NRG3: variants seen among roughly 807,000 people sequenced by gnomAD.
NRG3 encodes the protein pro-neuregulin-3, membrane-bound isoform.
NRG3 carries 31 observed loss-of-function variants against 66.9 expected under a neutral mutation model. That is an observed-to-expected ratio of 0.46 (90% CI 0.35 to 0.63). The LOEUF (loss-of-function observed/expected upper bound fraction) is 0.63. Ranked by LOEUF, NRG3 falls within the 20% of genes least tolerant of loss-of-function variation. The pLI, the probability that NRG3 is intolerant of heterozygous loss-of-function variation, is 0.00. For missense variants in NRG3, 910 were observed against 878.9 expected, an observed-to-expected ratio of 1.04 and a Z score of -0.45; for synonymous variants, 393 against 359.4, an observed-to-expected ratio of 1.09 and a Z score of -1.06.
chr10:82,713,495 G>C (rs1163689501), intron 2 of NRG3, among the ~76,000 whole-genome samples: 1 of 152,094 alleles, frequency 6.6e-6, no homozygotes, highest in Non-Finnish European at 1.5e-5. Context: ...GGATGCTTTT[G>C]GCCTGAGCAA....
At chr10:82,149,264 G>A (rs11192702) in intron 1 of NRG3, among the ~76,000 whole-genome samples, 17,932 of 152,000 alleles carry the variant, frequency 0.12, 1,772 homozygotes, top group African/African-American at 0.26. Flanking sequence ...CATGAATCCA[G>A]TTATAAAAAT....
chr10:81,904,947 A>G (rs1844442800), intron 1 of NRG3, among the ~76,000 whole-genome samples: 1 of 152,188 alleles, frequency 6.6e-6, no homozygotes, highest in Non-Finnish European at 1.5e-5. Context: ...AAGTGCTGAA[A>G]AAAATAAGAG....
intron 2 of NRG3, among the ~76,000 whole-genome samples, chr10:82,707,305 T>G (rs1205843347): frequency 6.6e-6 from 1 of 152,036 alleles, no homozygotes; most frequent in Non-Finnish European, 1.5e-5. Context: ...TTTTTCTCAT[T>G]ACCCTTGATA....
intron 1 of NRG3, among the ~76,000 whole-genome samples, chr10:82,185,134 C>T (rs985225756): frequency 7.2e-5 from 11 of 152,048 alleles, no homozygotes; most frequent in African/African-American, 2.7e-4. Flanking sequence ...GATCCAGACT[C>T]AGGACCAGTC....
intron 2 of NRG3, among the ~76,000 whole-genome samples, chr10:82,686,862 T>C (rs2054555610): frequency 6.6e-6 from 1 of 152,204 alleles, no homozygotes; most frequent in African/African-American, 2.4e-5. Flanking sequence ...TTTGGGTCTA[T>C]GAAAAAATGC....
intron 2 of NRG3, among the ~76,000 whole-genome samples, chr10:82,488,533 A>G (rs915561635): frequency 1.3e-5 from 2 of 152,256 alleles, no homozygotes; most frequent in African/African-American, 4.8e-5. Flanking sequence ...AAGTATGCTA[A>G]GTACAAAATG....
intron 1 of NRG3, among the ~76,000 whole-genome samples, chr10:82,155,409 G>T (rs2071112410): frequency 6.6e-6 from 1 of 151,844 alleles, no homozygotes; most frequent in South Asian, 2.1e-4. Context: ...GGTGGTTATT[G>T]TATTAATGGG....
At position 82,543,609 on chromosome 10, in the gene NRG3, C is replaced by T. The variant is rs535229590; in HGVS notation, c.953+184741C>T. The stretch of plus-strand genomic sequence containing the variant: ...CCTGAGAGTTAGAAAAGATAAAACT[C>T]AGGTTCCACTGTTCGTCCAGGGACT... On this transcript the variant is annotated intron_variant, in intron 2 of 8. Transcript: ENST00000372141. 2.5e-4 allele frequency among the ~76,000 whole-genome samples: 38 copies of T among 152,236 alleles called. No individual in the cohort carries two copies. In the East Asian group the frequency reaches 6.6e-3, roughly 26 times the overall value.
intron 1 of NRG3, among the ~76,000 whole-genome samples, chr10:82,100,324 G>A (rs938856405): frequency 8.6e-5 from 13 of 151,834 alleles, no homozygotes; most frequent in Non-Finnish European, 1.6e-4. Flanking sequence ...TCTATTAATA[G>A]GAACAATGTT....
At chr10:82,935,841 C>A (rs1848014289) in intron 4 of NRG3, among the ~76,000 whole-genome samples, 1 of 148,768 alleles carries the variant, frequency 6.7e-6, no homozygotes, top group Non-Finnish European at 1.5e-5. Context: ...TAGCTACCTG[C>A]AACAACATAT....
intron 3 of NRG3, among the ~76,000 whole-genome samples, chr10:82,748,320 T>C (rs1289220979): frequency 6.6e-6 from 1 of 150,470 alleles, no homozygotes; most frequent in African/African-American, 2.4e-5. Flanking sequence ...CAAAACAACA[T>C]GTATGTTATG....
chr10:82,985,465 G>T lies in NRG3; in HGVS notation c.1951G>T (p.Glu651Ter). The change falls in exon 9 of 9, where the codon GAA becomes TAA. Residue 651 changes from glutamate (E) to a stop codon, truncating the protein, a stop_gained. Transcript: ENST00000372141. LOFTEE classifies it high-confidence loss of function. ...LTDARRSEDY[E>*]LASVETEDSA... Reference sequence around the variant, plus strand: ...TGATGCCAGACGGTCAGAAGACTACGAACTGGCCAGCGTAGAAACCGAGGA... The same window carrying T: ...TGATGCCAGACGGTCAGAAGACTACTAACTGGCCAGCGTAGAAACCGAGGA... 4.3e-6 allele frequency: 7 copies of T among 1,614,020 alleles called. No homozygotes were observed. The highest frequency in any genetic ancestry group is 5.1e-6 in the Non-Finnish European group (6 of 1,179,986).
At chr10:82,616,114 C>T (rs1270926880) in intron 2 of NRG3, among the ~76,000 whole-genome samples, 1 of 152,108 alleles carries the variant, frequency 6.6e-6, no homozygotes, top group African/African-American at 2.4e-5. Context: ...AAGGCAATGT[C>T]CTTCAACATC....
intron 4 of NRG3, among the ~76,000 whole-genome samples, chr10:82,910,225 G>A (rs1845192737): frequency 6.6e-6 from 1 of 152,228 alleles, no homozygotes; most frequent in Admixed American, 6.5e-5. Context: ...TGAAGCAGAA[G>A]AGAAATTCAT....
At chr10:82,435,087 G>A (rs894620275) in intron 2 of NRG3, among the ~76,000 whole-genome samples, 7 of 151,974 alleles carry the variant, frequency 4.6e-5, no homozygotes, top group South Asian at 2.1e-4. Context: ...GCTTTTTTTC[G>A]TTGGTAGGCT....
chr10:82,727,917 G>A (rs2644210), intron 2 of NRG3, among the ~76,000 whole-genome samples: 84,569 of 151,924 alleles, frequency 0.56, 24,054 homozygotes, highest in East Asian at 0.64. Flanking sequence ...TGAGAGACAT[G>A]GTGTCAAAGG....
intron 2 of NRG3, among the ~76,000 whole-genome samples, chr10:82,623,836 G>A (rs1291906331): frequency 6.6e-6 from 1 of 152,060 alleles, no homozygotes; most frequent in Non-Finnish European, 1.5e-5. Context: ...CTCATTCTAT[G>A]CCCCTAGTCT....
chr10:82,011,236 G>T (rs2061561896), intron 1 of NRG3, among the ~76,000 whole-genome samples: 1 of 152,128 alleles, frequency 6.6e-6, no homozygotes, highest in Admixed American at 6.6e-5. Flanking sequence ...ATGATAACAG[G>T]CAAGAGAGCT....
intron 2 of NRG3, among the ~76,000 whole-genome samples, chr10:82,621,032 C>A (rs1042250608): frequency 2.0e-5 from 3 of 152,004 alleles, no homozygotes; most frequent in Admixed American, 6.6e-5. Context: ...TTTTAAATTT[C>A]ATTTTAGAGT....
Sources: gnomAD v4.1 joint callset for allele counts (sites outside exome capture counted in the v4.1 genomes callset) on GRCh38, gnomAD v4.1.1 for gene constraint, MANE v1.5 for transcripts, NCBI Gene and HGNC (gene_info 2026-07-23, HGNC 2026-07-21) for gene names.